The following PSMB2 variants were observed in gnomAD, a reference collection of about 807,000 sequenced individuals.
PSMB2 encodes the protein proteasome subunit beta type-2.
PSMB2 carries 13 observed loss-of-function variants against 25.7 expected under a neutral mutation model. The observed-to-expected ratio is 0.51, with a 90% confidence interval of 0.33 to 0.80. The LOEUF (loss-of-function observed/expected upper bound fraction) is 0.80, where lower values mean the gene tolerates loss of function less well. PSMB2 is among the 30% of genes least tolerant of loss of function. The probability of loss-of-function intolerance (pLI) is 0.02; values close to 1 mark genes in which losing one functional copy is unlikely to be tolerated. For synonymous variants in PSMB2, 87 were observed against 96.2 expected (o/e 0.90, Z 0.56); for missense variants, 202 against 259.0 (o/e 0.78, Z 1.51).
At chr1:35,632,359 A>G (rs1235553253) in intron 2 of PSMB2, among the ~76,000 whole-genome samples, 1 of 152,244 alleles carries the variant, frequency 6.6e-6, no homozygotes, top group Non-Finnish European at 1.5e-5. Context: ...AGGCACAAGA[A>G]TGATCCATAA....
chr1:35,638,379 A>G (rs186091988), intron 1 of PSMB2, among the ~76,000 whole-genome samples: 6 of 152,356 alleles, frequency 3.9e-5, no homozygotes, highest in Admixed American at 6.5e-5. Context: ...AGCATGTCAT[A>G]CTGTGGAAAA....
At chr1:35,639,694 C>T (rs1011496938) in intron 1 of PSMB2, among the ~76,000 whole-genome samples, 8 of 152,128 alleles carry the variant, frequency 5.3e-5, no homozygotes, top group African/African-American at 1.9e-4. Context: ...AAACAAAAGA[C>T]CTGTAAAGAT....
At chr1:35,638,332 A>G (rs1435704608) in intron 1 of PSMB2, among the ~76,000 whole-genome samples, 2 of 152,214 alleles carry the variant, frequency 1.3e-5, no homozygotes, top group Non-Finnish European at 2.9e-5. Flanking sequence ...CGAGATCCAC[A>G]TACATGAAAC....
intron 2 of PSMB2, among the ~76,000 whole-genome samples, chr1:35,634,990 T>C (rs989564252): frequency 1.3e-5 from 2 of 152,134 alleles, no homozygotes; most frequent in Non-Finnish European, 2.9e-5. Flanking sequence ...CCGGGCGTGG[T>C]GGCTCACACC....
chr1:35,606,719 A>G (rs1291030341), intron 4 of PSMB2, among the ~76,000 whole-genome samples: 1 of 152,208 alleles, frequency 6.6e-6, no homozygotes, highest in Non-Finnish European at 1.5e-5. Flanking sequence ...GTAAGGAACC[A>G]CAAAAGACTC....
At chr1:35,636,552 G>T in intron 1 of PSMB2, 120 bp from the exon 2 acceptor site, 1 of 1,091,408 alleles carries the variant, frequency 9.2e-7, no homozygotes, top group Non-Finnish European at 1.2e-6. Context: ...CATGGATTCT[G>T]AATCCACAAT....
At chr1:35,624,386 T>C (rs1043028672) in intron 3 of PSMB2, among the ~76,000 whole-genome samples, 3 of 152,154 alleles carry the variant, frequency 2.0e-5, no homozygotes, top group Non-Finnish European at 4.4e-5. Flanking sequence ...CCTTTTCAAA[T>C]AAAACTTTAC....
chr1:35,608,752 T>C (rs1432932140), intron 4 of PSMB2, among the ~76,000 whole-genome samples: 1 of 152,186 alleles, frequency 6.6e-6, no homozygotes, highest in African/African-American at 2.4e-5. Flanking sequence ...AGGCTCAGAT[T>C]TGTAGCCTTA....
chr1:35,609,388 G>T lies in PSMB2; in HGVS notation c.306C>A (p.Leu102=). 1 of 1,586,510 alleles carries T rather than the reference G, an allele frequency of 6.3e-7. No homozygotes were observed. Among genetic ancestry groups the T allele is most frequent in the Non-Finnish European group, 8.6e-7 (1 of 1,164,174 alleles). The change falls in exon 4 of 6, where the codon CTC becomes CTA. Residue 102 remains leucine, a synonymous_variant. Transcript: ENST00000373237. ...LRSRTPYHVN[L]LLAGYDEHEG... ...CATGCTCATCATAGCCAGCCAGGAG[G>T]AGGTTCACATGATATGGGGTCTGCA... is the stretch of plus-strand genomic sequence containing the variant.
At chr1:35,630,859 G>T (rs1242649572) in intron 3 of PSMB2, among the ~76,000 whole-genome samples, 2 of 152,198 alleles carry the variant, frequency 1.3e-5, no homozygotes, top group Non-Finnish European at 2.9e-5. Flanking sequence ...TGTCAATATA[G>T]GCTCATCATT....
chr1:35,606,376 C>T (rs1016397213), intron 4 of PSMB2, among the ~76,000 whole-genome samples: 2 of 151,958 alleles, frequency 1.3e-5, no homozygotes, highest in Non-Finnish European at 2.9e-5. Flanking sequence ...AATTAATATA[C>T]AAAAATCAGT....
chr1:35,612,358 A>G (rs1190982180), intron 3 of PSMB2, among the ~76,000 whole-genome samples: 1 of 151,958 alleles, frequency 6.6e-6, no homozygotes, highest in African/African-American at 2.4e-5. Flanking sequence ...TAGGAAATAT[A>G]ATGAGAAAAA....
chr1:35,631,210 A>T (rs1374462096), intron 3 of PSMB2, 64 bp downstream of exon 3: 6 of 1,529,128 alleles, frequency 3.9e-6, no homozygotes, highest in Non-Finnish European at 3.6e-6. Context: ...ATGTATAATG[A>T]GAATATAAAA....
chr1:35,618,520 G>A (rs566568878), intron 3 of PSMB2, among the ~76,000 whole-genome samples: 21 of 151,562 alleles, frequency 1.4e-4, no homozygotes, highest in African/African-American at 3.6e-4. Flanking sequence ...GAAATTGAGG[G>A]TGACATATGT....
chr1:35,628,622 TATA>T (rs1354079199), intron 3 of PSMB2, among the ~76,000 whole-genome samples: 15 of 50,946 alleles, frequency 2.9e-4, no homozygotes, highest in African/African-American at 1.2e-3. Flanking sequence ...TATATATATA[TATA>T]TATATATTTT....
intron 3 of PSMB2, among the ~76,000 whole-genome samples, chr1:35,621,305 A>T (rs962481551): frequency 2.6e-5 from 4 of 152,186 alleles, no homozygotes; most frequent in African/African-American, 9.7e-5. Context: ...GTCACTCTGC[A>T]GTGCAATTGA....
chr1:35,629,093 TAG>T (rs2148575261), intron 3 of PSMB2, among the ~76,000 whole-genome samples: 1 of 152,348 alleles, frequency 6.6e-6, no homozygotes, highest in South Asian at 2.1e-4. Context: ...ATCTCAGTGA[TAG>T]AGACTATCTT....
At position 35,624,961 on chromosome 1, in the gene PSMB2, T is replaced by C. The variant is rs527792921; in HGVS notation, c.285+6313A>G. The stretch of plus-strand genomic sequence containing the variant: ...CTGTAGTCCCAGCTATTCGGGAGGC[T>C]GAGGAAGAAGAATCACTTGAAACTG... On this transcript the variant is annotated intron_variant, in intron 3 of 5. Coordinates refer to ENST00000373237, the MANE Select transcript of PSMB2 (RefSeq NM_002794.5). Among the ~76,000 whole-genome samples the C allele has an allele frequency of 8.9e-4, 135 of 151,764 alleles. No individual in the cohort carries two copies. In the Middle Eastern group the frequency reaches 0.01, roughly 11 times the overall value.
rs1429575974 is a variant in PSMB2, at chr1:35,602,747, C to T, written c.*520G>A. On this transcript the variant is annotated 3_prime_UTR_variant, in exon 6 of 6. Coordinates refer to ENST00000373237, the MANE Select transcript of PSMB2 (RefSeq NM_002794.5). ...TCTTGACCTCGTGATCCGCCCGCCT[C>T]GGCCTCCCAAAGTGCTGGGATTACA... 2.0e-5 allele frequency: 6 copies of T among 294,998 alleles called. No individual in the cohort carries two copies. Among genetic ancestry groups the T allele is most frequent in the Non-Finnish European group, 2.5e-5 (5 of 198,960 alleles). The allele number at this position is 294,998 out of a possible 1,614,324, so 18.3% of individuals were successfully genotyped here.
Sources: allele counts gnomAD v4.1 joint callset (sites outside exome capture counted in the v4.1 genomes callset), GRCh38; gene constraint gnomAD v4.1.1; transcripts MANE v1.5; gene names NCBI Gene and HGNC (gene_info 2026-07-23, HGNC 2026-07-21).